Variants in INPPL1 observed in about 807,000 individuals in gnomAD.
The protein encoded by INPPL1 is phosphatidylinositol 3,4,5-trisphosphate 5-phosphatase 2.
A neutral mutation model predicts 139.3 loss-of-function variants in INPPL1; 91 were observed. The observed-to-expected ratio is 0.65, with a 90% CI of 0.55 to 0.78. The LOEUF (loss-of-function observed/expected upper bound fraction) is 0.78, where lower values mean the gene tolerates loss of function less well. INPPL1 is among the 30% of genes least tolerant of loss of function. The pLI is 0.00. For missense variants in INPPL1, 1,411 were observed against 1,665.6 expected (o/e 0.85, Z 2.66); for synonymous variants, 719 against 686.6 (o/e 1.05, Z -0.74).
At chr11:72,232,169 G>A (rs1375190746) in intron 13 of INPPL1, 71 bp from the exon 14 acceptor site, 3 of 1,242,806 alleles carry the variant, frequency 2.4e-6, no homozygotes, top group Non-Finnish European at 3.5e-6. Context: ...CTGCAGCTTT[G>A]AGAGGCAGAA....
At chr11:72,229,405 C>A in intron 5 of INPPL1, 60 bp from the exon 6 acceptor site, 1 of 1,522,444 alleles carries the variant, frequency 6.6e-7, no homozygotes, top group African/African-American at 1.4e-5. Context: ...CTACACCCAG[C>A]GCCCCCTTCC....
chr11:72,233,381 G>T, intron 17 of INPPL1, 60 bp from the exon 18 acceptor site: 3 of 1,449,564 alleles, frequency 2.1e-6, no homozygotes, highest in African/African-American at 2.8e-5. Flanking sequence ...CTGGAGTGGG[G>T]TCCATGCCAA....
At chr11:72,233,032 G>A (rs1948879900) in intron 16 of INPPL1, 43 bp from the exon 17 acceptor site, 1 of 1,609,174 alleles carries the variant, frequency 6.2e-7, no homozygotes, top group South Asian at 1.1e-5. Flanking sequence ...AGTATCCCTG[G>A]GTGTCAGGGC....
intron 1 of INPPL1, 173 bp downstream of exon 1, chr11:72,225,339 A>T: frequency 2.0e-6 from 2 of 985,382 alleles, no homozygotes; most frequent in Non-Finnish European, 2.4e-6. Context: ...ACGCAGGGGC[A>T]CTTCCTGCTG....
rs1385528690 is a variant in INPPL1, at chr11:72,234,346, G to A, written c.2278G>A (p.Ala760Thr). The A allele has an allele frequency of 6.2e-7, 1 of 1,614,048 alleles. No individual in the cohort carries two copies. Among genetic ancestry groups the A allele is most frequent in the Non-Finnish European group, 8.5e-7 (1 of 1,180,038 alleles). ...FESIEAIVKTASRTKFFIEFY... is the reference protein window; with the variant it reads ...FESIEAIVKTTSRTKFFIEFY... The stretch of plus-strand genomic sequence containing the variant: ...GAGCATCGAGGCCATTGTGAAGACA[G>A]CCAGCCGCACCAAGTTCTTCATCGA... The change falls in exon 20 of 28, where the codon GCC becomes ACC. Residue 760 changes from alanine to threonine, a missense_variant. Physicochemically the swap from Ala to Thr is moderately conservative, Grantham distance 58. Around this residue, in one of 5 missense-constraint regions of INPPL1, gnomAD observed 363 missense variants for 446.2 expected, o/e 0.81. Coordinates refer to ENST00000298229, the MANE Select transcript of INPPL1 (RefSeq NM_001567.4). The surrounding 1 kb of genome is among the most constrained non-coding windows in gnomAD (Gnocchi z 4.2).
At chr11:72,233,224 T>C in intron 17 of INPPL1, 61 bp downstream of exon 17, 1 of 1,489,558 alleles carries the variant, frequency 6.7e-7, no homozygotes, top group Non-Finnish European at 9.3e-7. Context: ...ATCAAGAATT[T>C]GGGTCAAGGG....
intron 1 of INPPL1, among the ~76,000 whole-genome samples, chr11:72,226,995 C>G (rs1460541206): frequency 6.6e-6 from 1 of 152,110 alleles, no homozygotes; most frequent in Non-Finnish European, 1.5e-5. Flanking sequence ...GGCTCTTCCC[C>G]GCATCTCAAG....
rs112903949 is a variant in INPPL1, at chr11:72,234,732, AGT to A, written c.2415+148_2415+149del. On this transcript the variant is annotated intron_variant, in intron 21 of 27. Transcript: ENST00000298229. The surrounding 1 kb of genome is among the most constrained non-coding windows in gnomAD (Gnocchi z 4.2). ...GGGGCCAGCAGAGAGAGAGAGAGAG[AGT>A]GTGTGTGTGTGTGTGTGTGTGTGTG... The A allele has an allele frequency of 0.18, 84,565 of 471,420 alleles. 1,371 individuals carry two copies. Among genetic ancestry groups the A allele is most frequent in the East Asian group, 0.32 (7,246 of 22,406 alleles). 29.2% of individuals were successfully genotyped at this position (471,420 alleles called of 1,614,324 possible). A position where few individuals can be genotyped will look rare whatever the true frequency, so the allele number is the denominator to read the frequency against.
In INPPL1 at chr11:72,235,450, C is replaced by A; in HGVS notation, c.2658C>A (p.Tyr886Ter). Residue 886 changes from tyrosine to a stop codon, truncating the protein, a stop_gained and splice_region_variant, in exon 23 of 28, where the codon TAC (tyrosine) becomes TAA (stop). Coordinates refer to ENST00000298229, the MANE Select transcript of INPPL1 (RefSeq NM_001567.4). LOFTEE classifies it high-confidence loss of function. The surrounding 1 kb of genome is among the most constrained non-coding windows in gnomAD (Gnocchi z 4.9). Reference protein sequence around the residue: ...TERLGTRERLYEWISIDKDEA... With the variant: ...TERLGTRERL Reference sequence around the variant, plus strand: ...GCCTGGGCACCCGTGAGCGGCTCTACGGTGGGGACTCCACTGGGACATGAG... The same window carrying A: ...GCCTGGGCACCCGTGAGCGGCTCTAAGGTGGGGACTCCACTGGGACATGAG... 6.2e-7 allele frequency: 1 copy of A among 1,611,450 alleles called. No individual in the cohort carries two copies. Among genetic ancestry groups the A allele is most frequent in the East Asian group, 2.2e-5 (1 of 44,874 alleles).
At chr11:72,227,224 TACTC>T (rs1948699829) in intron 1 of INPPL1, among the ~76,000 whole-genome samples, 2 of 152,320 alleles carry the variant, frequency 1.3e-5, no homozygotes, top group South Asian at 2.1e-4. Context: ...ACCTTTTACT[TACTC>T]TGTGGCCTTA....
intron 5 of INPPL1, 90 bp from the exon 6 acceptor site, chr11:72,229,368 GCCTTTAT>G: frequency 7.0e-7 from 1 of 1,419,894 alleles, no homozygotes; most frequent in Non-Finnish European, 9.9e-7. Context: ...CTCACTGGTA[GCCTTTAT>G]CCTTGTGGTG....
chr11:72,230,784 C>T lies in INPPL1; in HGVS notation c.1198-12C>T. The stretch of plus-strand genomic sequence containing the variant: ...ATGCCTACCCGCCCCTGAGTGGCTG[C>T]TGTTCCCCCAGAAGCGGGAGGCCTT... On this transcript the variant is annotated splice_polypyrimidine_tract_variant and intron_variant, in intron 10 of 27. Coordinates refer to ENST00000298229, the MANE Select transcript of INPPL1 (RefSeq NM_001567.4). 6.2e-7 allele frequency: 1 copy of T among 1,611,204 alleles called. No homozygotes were observed. Among genetic ancestry groups the T allele is most frequent in the Non-Finnish European group, 8.5e-7 (1 of 1,178,424 alleles).
chr11:72,225,142 C>T lies in INPPL1; in HGVS notation c.158C>T (p.Ala53Val), dbSNP rs1377818275. 3.2e-6 allele frequency: 4 copies of T among 1,231,042 alleles called. No individual in the cohort carries two copies. Among genetic ancestry groups the T allele is most frequent in the South Asian group, 8.2e-5 (2 of 24,454 alleles). The allele number at this position is 1,231,042 out of a possible 1,614,324, so 76.3% of individuals were successfully genotyped here. A position where few individuals can be genotyped will look rare whatever the true frequency, so the allele number is the denominator to read the frequency against. ...SFLVRDSESVAGAFALCVLYQ... is the reference protein window; with the variant it reads ...SFLVRDSESVVGAFALCVLYQ... The stretch of plus-strand genomic sequence containing the variant: ...CTGGTCCGAGACAGCGAGAGCGTGG[C>T]GGGGGCCTTCGCGCTCTGCGTCCTG... The change falls in exon 1 of 28, where the codon GCG (alanine) becomes GTG (valine). Residue 53 changes from alanine (A) to valine (V), a missense_variant. This residue lies in a region of INPPL1 where 504 missense variants were observed against 595.6 expected (regional missense o/e 0.85). Transcript: ENST00000298229.
Position 72,228,516 on chromosome 11 carries a change from G to C in INPPL1, c.397+18G>C, listed in dbSNP as rs1278372905. The C allele has an allele frequency of 1.9e-6, 3 of 1,602,566 alleles. No individual in the cohort carries two copies. In the South Asian group the frequency reaches 3.3e-5, roughly 18 times the overall value. On this transcript the variant is annotated intron_variant, in intron 3 of 27. Coordinates refer to ENST00000298229, the MANE Select transcript of INPPL1 (RefSeq NM_001567.4). This position sits in a 1 kb window ranked among gnomAD's most constrained non-coding sequence, Gnocchi z 5.0. The stretch of plus-strand genomic sequence containing the variant: ...TGCCTCAGGTACTTCCCAGTGTGCA[G>C]GTCCCCTCCCTGCCCCTGTCCCTTG...
Position 72,235,578 on chromosome 11 carries a change from C to T in INPPL1, c.2660-97C>T. On this transcript the variant is annotated intron_variant, in intron 23 of 27. Transcript: ENST00000298229. The surrounding 1 kb of genome is among the most constrained non-coding windows in gnomAD (Gnocchi z 4.9). ...CAGCCACAGCTGGGAATAGTCCTGC[C>T]CCAAGGCATAGCTGGGAAAGGGCTG... is the stretch of plus-strand genomic sequence containing the variant. The T allele has an allele frequency of 6.4e-7, 1 of 1,573,110 alleles. No homozygotes were observed.
Position 72,234,345 on chromosome 11 carries a change from A to C in INPPL1, c.2277A>C (p.Thr759=), listed in dbSNP as rs760963861. 6.2e-7 allele frequency: 1 copy of C among 1,614,198 alleles called. No individual in the cohort carries two copies. Among genetic ancestry groups the C allele is most frequent in the Non-Finnish European group, 8.5e-7 (1 of 1,180,038 alleles). The change falls in exon 20 of 28, where the codon ACA becomes ACC. Residue 759 remains threonine (T), a synonymous_variant. Transcript: ENST00000298229. This position sits in a 1 kb window ranked among gnomAD's most constrained non-coding sequence, Gnocchi z 4.2. The part of the protein sequence containing the change: ...EFESIEAIVK[T]ASRTKFFIEF... ...AGAGCATCGAGGCCATTGTGAAGAC[A>C]GCCAGCCGCACCAAGTTCTTCATCG...
chr11:72,229,851 A>C, intron 7 of INPPL1, 73 bp from the exon 8 acceptor site: 4 of 1,561,316 alleles, frequency 2.6e-6, no homozygotes, highest in Non-Finnish European at 2.6e-6. Flanking sequence ...ATTGGCCCCA[A>C]GGTCAATTGT....
chr11:72,228,200 C>T lies in INPPL1; in HGVS notation c.193C>T (p.His65Tyr), dbSNP rs769067527. The change falls in exon 2 of 28, where the codon CAT becomes TAT. Residue 65 changes from histidine to tyrosine, a missense_variant. By Grantham distance (83) the His-to-Tyr change is moderately conservative. This residue lies in a region of INPPL1 where 504 missense variants were observed against 595.6 expected (regional missense o/e 0.85). Transcript: ENST00000298229. This position sits in a 1 kb window ranked among gnomAD's most constrained non-coding sequence, Gnocchi z 5.0. ...AFALCVLYQK[H>Y]VHTYRILPDG... is the part of the protein sequence containing the mutation. ...CTGCCTTGGCATCAGGTATCAGAAG[C>T]ATGTGCACACGTATCGCATTCTGCC... 6.2e-7 allele frequency: 1 copy of T among 1,614,072 alleles called. No individual in the cohort carries two copies. Among genetic ancestry groups the T allele is most frequent in the Non-Finnish European group, 8.5e-7 (1 of 1,179,974 alleles).
intron 25 of INPPL1, 28 bp from the exon 26 acceptor site, chr11:72,237,096 G>A: frequency 1.3e-6 from 2 of 1,547,788 alleles, no homozygotes; most frequent in African/African-American, 1.4e-5. Flanking sequence ...CCTGGATCCT[G>A]GCTTAGTCGT....
Sources: gnomAD v4.1 joint callset for allele counts (sites outside exome capture counted in the v4.1 genomes callset) on GRCh38, gnomAD v4.1.1 for gene constraint, gnomAD v4.1.1 regional missense constraint, Gnocchi (gnomAD v3.1) non-coding constraint, MANE v1.5 for transcripts, NCBI Gene and HGNC (gene_info 2026-07-23, HGNC 2026-07-21) for gene names.